Variants in HLCS observed in about 807,000 individuals in gnomAD.
HLCS encodes biotin--protein ligase.
A neutral mutation model predicts 75.0 loss-of-function variants in HLCS; 53 were observed. The ratio of observed to expected loss-of-function variants is 0.71; its 90% CI spans 0.57 to 0.89. The LOEUF is 0.89. Ranked by LOEUF, HLCS falls within the 40% of genes least tolerant of loss-of-function variation. The pLI, the probability that HLCS is intolerant of heterozygous loss-of-function variation, is 0.00. For missense variants in HLCS, 966 were observed against 1,074.0 expected, an observed-to-expected ratio of 0.90 and a Z score of 1.41; for synonymous variants, 431 against 428.6, an observed-to-expected ratio of 1.01 and a Z score of -0.07.
At chr21:36,878,693 GA>G in intron 6 of HLCS, among the ~76,000 whole-genome samples, 1 of 152,026 alleles carries the variant, frequency 6.6e-6, no homozygotes, top group Non-Finnish European at 1.5e-5. Flanking sequence ...TCATCTCATT[GA>G]AAAAATAAAA....
At chr21:36,980,964 C>A (rs1280868889) in intron 1 of HLCS, 5 of 128,838 alleles carry the variant, frequency 3.9e-5, no homozygotes, top group African/African-American at 1.4e-4. Context: ...CTCGCCAGCA[C>A]GGCATCCGCG....
At chr21:36,989,845 C>T (rs956077189) in intron 1 of HLCS, among the ~76,000 whole-genome samples, 3 of 152,142 alleles carry the variant, frequency 2.0e-5, no homozygotes, top group African/African-American at 7.2e-5. Flanking sequence ...GGTTCTCAGG[C>T]CGCGTCGCCG....
chr21:36,812,338 T>G (rs1473033572), intron 6 of HLCS, among the ~76,000 whole-genome samples: 2 of 152,232 alleles, frequency 1.3e-5, no homozygotes, highest in Non-Finnish European at 2.9e-5. Flanking sequence ...GTAATTTTTC[T>G]AACACACAGA....
chr21:36,971,004 AAAG>A (rs1460859165), upstream of HLCS, among the ~76,000 whole-genome samples: 84 of 133,204 alleles, frequency 6.3e-4, no homozygotes, highest in Admixed American at 2.0e-3. Context: ...AAAAAAAAAA[AAAG>A]AAAGAAAAGA....
chr21:36,988,555 C>T (rs2069271532), intron 1 of HLCS, among the ~76,000 whole-genome samples: 1 of 152,194 alleles, frequency 6.6e-6, no homozygotes, highest in African/African-American at 2.4e-5. Context: ...GTAGGCGTTT[C>T]TCCAGAGTAA....
At chr21:36,955,923 T>C (rs1245153034) in intron 2 of HLCS, among the ~76,000 whole-genome samples, 1 of 152,228 alleles carries the variant, frequency 6.6e-6, no homozygotes, top group Non-Finnish European at 1.5e-5. Context: ...TACAGCTGCC[T>C]ACAGTATCCA....
intron 5 of HLCS, among the ~76,000 whole-genome samples, chr21:36,922,312 G>A (rs986273551): frequency 6.6e-6 from 1 of 152,132 alleles, no homozygotes. Flanking sequence ...TGATATATGT[G>A]TATGTTACGG....
intron 6 of HLCS, among the ~76,000 whole-genome samples, chr21:36,882,511 G>T (rs1484283387): frequency 6.6e-6 from 1 of 151,856 alleles, no homozygotes; most frequent in African/African-American, 2.4e-5. Context: ...CGCAATCTCA[G>T]CTCACTGCAA....
chr21:36,815,148 T>C (rs1005596180), intron 6 of HLCS, among the ~76,000 whole-genome samples: 16 of 151,684 alleles, frequency 1.1e-4, no homozygotes, highest in African/African-American at 3.6e-4. Flanking sequence ...TGCTTCAGGC[T>C]CCTGAGTAGC....
intron 6 of HLCS, among the ~76,000 whole-genome samples, chr21:36,876,895 C>T (rs1347965816): frequency 6.6e-6 from 1 of 152,176 alleles, no homozygotes; most frequent in Non-Finnish European, 1.5e-5. Flanking sequence ...TTCTTTTATT[C>T]TGTCCATTTT....
chr21:36,756,947 T>C lies in HLCS; in HGVS notation c.2237-192A>G, dbSNP rs143300510. 720 of 985,410 alleles carry C rather than the reference T, an allele frequency of 7.3e-4. 3 individuals are homozygous for C. The highest frequency in any genetic ancestry group is 8.2e-4 in the Non-Finnish European group (683 of 829,900). The allele number at this position is 985,410 out of a possible 1,614,324, so 61.0% of individuals were successfully genotyped here. A position where few individuals can be genotyped will look rare whatever the true frequency, so the allele number is the denominator to read the frequency against. ...ATCTTCCTTTTTGTCCTTCTTTTAT[T>C]ATTCTTGTTCAAGCTAAAACCATCT... On this transcript the variant is annotated intron_variant, in intron 9 of 10. Transcript: ENST00000674895.
At chr21:36,855,068 C>G (rs1386983423) in intron 6 of HLCS, among the ~76,000 whole-genome samples, 1 of 152,058 alleles carries the variant, frequency 6.6e-6, no homozygotes, top group Non-Finnish European at 1.5e-5. Context: ...TTGCAGCCAT[C>G]ATATTCATGT....
intron 1 of HLCS, among the ~76,000 whole-genome samples, chr21:36,987,630 G>A (rs1449902665): frequency 6.6e-6 from 1 of 151,994 alleles, no homozygotes; most frequent in Non-Finnish European, 1.5e-5. Flanking sequence ...ACGAAAAGTT[G>A]TGTTATCCAC....
chr21:36,764,058 C>T (rs2089947170), intron 8 of HLCS, among the ~76,000 whole-genome samples: 1 of 152,228 alleles, frequency 6.6e-6, no homozygotes, highest in South Asian at 2.1e-4. Flanking sequence ...AGATGAACAA[C>T]TTCAATCCAG....
At chr21:36,822,871 A>T (rs1405679561) in intron 6 of HLCS, among the ~76,000 whole-genome samples, 1 of 152,276 alleles carries the variant, frequency 6.6e-6, no homozygotes, top group Admixed American at 6.5e-5. Context: ...ACTAATTTTT[A>T]AAACCTACCA....
chr21:36,824,736 C>T (rs1354880018), intron 6 of HLCS, among the ~76,000 whole-genome samples: 5 of 152,300 alleles, frequency 3.3e-5, no homozygotes, highest in Non-Finnish European at 7.3e-5. Context: ...ACAGGAAAAA[C>T]TTGGGTGAGA....
rs1174060268 is a variant in HLCS, at chr21:36,759,819, C to T, written c.2144G>A (p.Trp715Ter). 1.2e-6 allele frequency: 2 copies of T among 1,612,320 alleles called. No homozygotes were observed. Among genetic ancestry groups the T allele is most frequent in the Non-Finnish European group, 1.7e-6 (2 of 1,178,354 alleles). Residue 715 changes from tryptophan to a stop codon, truncating the protein, a stop_gained, in exon 9 of 11, where the codon TGG (tryptophan) becomes TAG (stop). Coordinates refer to ENST00000674895, the MANE Select transcript of HLCS (RefSeq NM_001352514.2). LOFTEE classifies it high-confidence loss of function. ...EYQDINLRVK[W>*]PNDIYYSDLM... The stretch of plus-strand genomic sequence containing the variant: ...GTCACTGTAATAAATATCGTTGGGC[C>T]ACTTCACTCGTAAGTTGATATCCTA...
At chr21:36,863,042 C>T (rs567489557) in intron 6 of HLCS, among the ~76,000 whole-genome samples, 1 of 151,308 alleles carries the variant, frequency 6.6e-6, no homozygotes, top group Admixed American at 6.6e-5. Context: ...GGGACTACAT[C>T]GCGCCACTGA....
Position 36,942,861 on chromosome 21 carries a change from C to G in HLCS, c.331-3867G>C, listed in dbSNP as rs182608693. The stretch of plus-strand genomic sequence containing the variant: ...AGGAGAATGGCGTGAACCCCGGAGG[C>G]AGAGCTTGCAGTGAGCCAAGATTGC... On this transcript the variant is annotated intron_variant, in intron 2 of 10. Coordinates refer to ENST00000674895, the MANE Select transcript of HLCS (RefSeq NM_001352514.2). 2.1e-3 allele frequency among the ~76,000 whole-genome samples: 326 copies of G among 151,726 alleles called. 3 individuals carry two copies. The highest frequency in any genetic ancestry group is 7.6e-3 in the African/African-American group (316 of 41,344).
Sources: gnomAD v4.1 joint callset for allele counts (sites outside exome capture counted in the v4.1 genomes callset) on GRCh38, gnomAD v4.1.1 for gene constraint, MANE v1.5 for transcripts, NCBI Gene and HGNC (gene_info 2026-07-23, HGNC 2026-07-21) for gene names.